The following ZNF334 variants were observed in gnomAD, a reference collection of about 807,000 sequenced individuals.
The protein encoded by ZNF334 is zinc finger protein 334.
Under a neutral mutation model 12.4 loss-of-function variants are expected in ZNF334, and 14 were observed. The observed-to-expected ratio is 1.13, with a 90% confidence interval of 0.74 to 1.76. The LOEUF (loss-of-function observed/expected upper bound fraction) is 1.76, where lower values mean the gene tolerates loss of function less well. Among genes scored for constraint, ZNF334 ranks in the 40% most tolerant of loss-of-function variants. The pLI is 0.00. For synonymous variants in ZNF334, 273 were observed against 269.6 expected (o/e 1.01, Z -0.12); for missense variants, 797 against 804.5 (o/e 0.99, Z 0.11).
At chr20:46,489,925 T>C in the ZNF334 span, among the ~76,000 whole-genome samples, 1 of 152,172 alleles carries the variant, frequency 6.6e-6, no homozygotes, top group Non-Finnish European at 1.5e-5. Context: ...ATATCTACTA[T>C]ATTTTGTATG....
the ZNF334 span, among the ~76,000 whole-genome samples, chr20:46,488,031 C>G: frequency 2.5e-4 from 38 of 152,122 alleles, no homozygotes; most frequent in Non-Finnish European, 7.4e-5. Context: ...ATCCTACATG[C>G]ATGCGACAGC....
chr20:46,511,649 T>C (rs751676404), intron 2 of ZNF334, among the ~76,000 whole-genome samples: 7 of 152,244 alleles, frequency 4.6e-5, no homozygotes, highest in African/African-American at 9.6e-5. Flanking sequence ...CACTGGATCA[T>C]AGACATCACA....
chr20:46,471,111 AAAC>A, the ZNF334 span, among the ~76,000 whole-genome samples: 1 of 152,204 alleles, frequency 6.6e-6, no homozygotes, highest in Non-Finnish European at 1.5e-5. Flanking sequence ...ATTCTTGCCA[AAAC>A]TTGGTATTGT....
chr20:46,483,459 C>T, the ZNF334 span, among the ~76,000 whole-genome samples: 11 of 152,022 alleles, frequency 7.2e-5, no homozygotes, highest in Non-Finnish European at 1.5e-4. Flanking sequence ...GTCTTTAAGA[C>T]ATTTTTCTAT....
chr20:46,471,038 T>C, the ZNF334 span, among the ~76,000 whole-genome samples: 7 of 152,222 alleles, frequency 4.6e-5, no homozygotes, highest in Admixed American at 3.9e-4. Flanking sequence ...TAAAATATTT[T>C]CTTTCTGGAA....
chr20:46,462,813 T>G, the ZNF334 span, among the ~76,000 whole-genome samples: 1 of 152,254 alleles, frequency 6.6e-6, no homozygotes. Flanking sequence ...CTAAGAATAC[T>G]GCATCTATGC....
chr20:46,510,720 T>C (rs2061616699), intron 2 of ZNF334, among the ~76,000 whole-genome samples: 1 of 139,960 alleles, frequency 7.1e-6, no homozygotes, highest in Non-Finnish European at 1.5e-5. Flanking sequence ...ATCGTGCCAC[T>C]GCACTCCAGC....
rs2061566327 is a variant in ZNF334, at chr20:46,509,537, C to T, written c.21+2545G>A. ...AGCACATGGGACATCTCTGGGAGGA[C>T]CACCAGGAGAAACTAACCTTGAAAT... On this transcript the variant is annotated intron_variant, in intron 2 of 4. Coordinates refer to ENST00000692313, the MANE Select transcript of ZNF334 (RefSeq NM_001353824.2). 4 of 702,786 alleles carry T rather than the reference C, an allele frequency of 5.7e-6. No individual in the cohort carries two copies. In the Admixed American group the frequency reaches 8.0e-5, roughly 14 times the overall value. The allele number at this position is 702,786 out of a possible 1,614,324, so 43.5% of individuals were successfully genotyped here. A position where few individuals can be genotyped will look rare whatever the true frequency, so the allele number is the denominator to read the frequency against.
At chr20:46,466,732 C>T in the ZNF334 span, among the ~76,000 whole-genome samples, 13 of 152,160 alleles carry the variant, frequency 8.5e-5, no homozygotes, top group African/African-American at 3.1e-4. Flanking sequence ...GATCTGTCCA[C>T]CTCAGCCTCC....
rs2061725162 is a variant in ZNF334 at position 46,513,439 on chromosome 20, C to G, written c.-938G>C. On this transcript the variant is annotated 5_prime_UTR_variant, in exon 1 of 5. Transcript: ENST00000692313. ...CCCTCCGACGCCCGAGTGCTCAGAG[C>G]TCGCCGCCAGCCCTTCCTATAGGTT... 1.3e-5 allele frequency: 2 copies of G among 152,488 alleles called. No homozygotes were observed. Among genetic ancestry groups the G allele is most frequent in the African/African-American group, 4.8e-5 (2 of 41,470 alleles). 9.4% of individuals were successfully genotyped at this position (152,488 alleles called of 1,614,324 possible). A position where few individuals can be genotyped will look rare whatever the true frequency, so the allele number is the denominator to read the frequency against.
the ZNF334 span, among the ~76,000 whole-genome samples, chr20:46,488,444 A>ATATATATATATATATATATAT: frequency 1.2e-4 from 10 of 84,194 alleles, no homozygotes; most frequent in African/African-American, 4.8e-4. Context: ...TATATATATA[A>ATATATATATATATATATATAT]ATACCATAAT....
chr20:46,496,703 T>G (rs1452599942), downstream of ZNF334: 1 of 152,186 alleles, frequency 6.6e-6, no homozygotes, highest in Admixed American at 6.5e-5. Context: ...ACCCGACACA[T>G]TTCTTACCTG....
At chr20:46,464,481 C>A in the ZNF334 span, 8 of 516,574 alleles carry the variant, frequency 1.5e-5, no homozygotes, top group East Asian at 1.5e-4. Flanking sequence ...ATGCAGATCC[C>A]ACACATCGTA....
At chr20:46,464,836 T>G in the ZNF334 span, 1 of 539,818 alleles carries the variant, frequency 1.9e-6, no homozygotes, top group Admixed American at 1.9e-5. Context: ...TTGCAAAGTT[T>G]GAGTCTGACT....
At chr20:46,507,927 T>C (rs1334541956) in intron 2 of ZNF334, among the ~76,000 whole-genome samples, 1 of 152,204 alleles carries the variant, frequency 6.6e-6, no homozygotes, top group African/African-American at 2.4e-5. Context: ...ATATAAGGTC[T>C]TAATGACTAG....
chr20:46,512,327 TCTTA>T (rs1204394605), intron 1 of ZNF334, among the ~76,000 whole-genome samples, 187 bp from the exon 2 acceptor site: 1 of 152,246 alleles, frequency 6.6e-6, no homozygotes, highest in Non-Finnish European at 1.5e-5. Flanking sequence ...ATAGAGCTTT[TCTTA>T]CTGAGTGAGT....
chr20:46,482,219 T>C, the ZNF334 span, among the ~76,000 whole-genome samples: 1 of 152,244 alleles, frequency 6.6e-6, no homozygotes, highest in Non-Finnish European at 1.5e-5. Context: ...TTTTAAGCCA[T>C]GAAGTTGGTG....
the ZNF334 span, among the ~76,000 whole-genome samples, chr20:46,463,073 C>G: frequency 6.6e-6 from 1 of 152,146 alleles, no homozygotes; most frequent in Admixed American, 6.5e-5. Flanking sequence ...ATGGCGAAAC[C>G]CTGTCTCTAC....
intron 2 of ZNF334, among the ~76,000 whole-genome samples, chr20:46,511,370 GA>G (rs34750450): frequency 4.6e-5 from 7 of 152,176 alleles, no homozygotes; most frequent in African/African-American, 1.4e-4. Flanking sequence ...AGTATGAACT[GA>G]AAGATACTCA....
Sources: allele counts gnomAD v4.1 joint callset (sites outside exome capture counted in the v4.1 genomes callset), GRCh38; gene constraint gnomAD v4.1.1; transcripts MANE v1.5; gene names NCBI Gene and HGNC (gene_info 2026-07-23, HGNC 2026-07-21).